The following POLR3D variants were observed in gnomAD, a reference collection of about 807,000 sequenced individuals.
The protein encoded by POLR3D is DNA-directed RNA polymerase III subunit RPC4.
In POLR3D, 42 loss-of-function variants were observed where a neutral mutation model predicts 44.5. That is an observed-to-expected ratio of 0.94 (90% confidence interval 0.74 to 1.22). The LOEUF is 1.22. Among genes scored for constraint, POLR3D ranks in the 50% most tolerant of loss-of-function variants. The probability of loss-of-function intolerance (pLI) is 0.00; values close to 1 mark genes in which losing one functional copy is unlikely to be tolerated. For synonymous variants in POLR3D, 217 were observed against 198.1 expected (o/e 1.10, Z -0.80); for missense variants, 507 against 505.2 (o/e 1.00, Z -0.03).
chr8:22,248,483 C>G lies in POLR3D; in HGVS notation c.489C>G (p.Phe163Leu). Residue 163 changes from phenylalanine to leucine, a missense_variant and splice_region_variant, in exon 6 of 9, where the codon TTC becomes TTG. Physicochemically the swap from Phe to Leu is conservative, Grantham distance 22 (BLOSUM62 0). Transcript: ENST00000306433. ...QILRMLEKDDFLDDPGLRNDT... is the reference protein window; with the variant it reads ...QILRMLEKDDLLDDPGLRNDT... ...ATGACCCAGACTCTCTTTGGCAGTT[C>G]CTCGATGACCCCGGCCTGAGGAACG... The G allele has an allele frequency of 6.2e-7, 1 of 1,613,678 alleles. No individual in the cohort carries two copies. The highest frequency in any genetic ancestry group is 1.3e-5 in the African/African-American group (1 of 75,008).
intron 2 of POLR3D, among the ~76,000 whole-genome samples, chr8:22,245,980 G>A (rs1184471181): frequency 6.6e-6 from 1 of 152,214 alleles, no homozygotes; most frequent in Non-Finnish European, 1.5e-5. Context: ...ATCTCTGTGT[G>A]CAAACTTTTT....
rs1185571801 is a variant in POLR3D, at chr8:22,252,990, G to A, written c.*2472G>A. On this transcript the variant is annotated 3_prime_UTR_variant, in exon 9 of 9. Coordinates refer to ENST00000306433, the MANE Select transcript of POLR3D (RefSeq NM_001722.3). Reference sequence around the variant, plus strand: ...AATAGGGTTGCTTTTAAATTAGAGTGAACATGAGGCATTTATTCGGTGCCA... The same window carrying A: ...AATAGGGTTGCTTTTAAATTAGAGTAAACATGAGGCATTTATTCGGTGCCA... 8.5e-5 allele frequency: 13 copies of A among 152,150 alleles called. No homozygotes were observed. The highest frequency in any genetic ancestry group is 8.5e-4 in the Admixed American group (13 of 15,278). 9.4% of individuals were successfully genotyped at this position (152,150 alleles called of 1,614,324 possible).
rs1306531080 is a variant in POLR3D at position 22,251,047 on chromosome 8, A to C, written c.*529A>C. 1 of 158,004 alleles carries C rather than the reference A, an allele frequency of 6.3e-6. No homozygotes were observed. The highest frequency in any genetic ancestry group is 6.1e-5 in the Admixed American group (1 of 16,314). 9.8% of individuals were successfully genotyped at this position (158,004 alleles called of 1,614,324 possible). On this transcript the variant is annotated 3_prime_UTR_variant, in exon 9 of 9. Transcript: ENST00000306433. ...CTGAGCCTCCTATACCTCATCCGAC[A>C]CAAATGGGGATGATACCTACCTCCA... is the stretch of plus-strand genomic sequence containing the variant.
chr8:22,245,375 A>AG (rs1328089475), intron 1 of POLR3D, 70 bp from the exon 2 acceptor site: 2 of 1,192,920 alleles, frequency 1.7e-6, no homozygotes, highest in African/African-American at 1.6e-5. Flanking sequence ...CCGGAAAGCA[A>AG]GGGGGTGGGG....
At chr8:22,245,375 A>AGG in intron 1 of POLR3D, 70 bp from the exon 2 acceptor site, 1 of 1,193,036 alleles carries the variant, frequency 8.4e-7, no homozygotes, top group Non-Finnish European at 1.1e-6. Flanking sequence ...CCGGAAAGCA[A>AGG]GGGGGTGGGG....
chr8:22,254,053 T>C lies in POLR3D; in HGVS notation c.*3535T>C, dbSNP rs1424117484. The C allele has an allele frequency of 6.6e-6, 1 of 152,234 alleles. No homozygotes were observed. The highest frequency in any genetic ancestry group is 1.5e-5 in the Non-Finnish European group (1 of 68,056). The allele number at this position is 152,234 out of a possible 1,614,324, so 9.4% of individuals were successfully genotyped here. A position where few individuals can be genotyped will look rare whatever the true frequency, so the allele number is the denominator to read the frequency against. ...TACCTATCACCCAAATAGTGAACAT[T>C]GTACTCAGGTAGCATTTCAACCCTT... On this transcript the variant is annotated 3_prime_UTR_variant, in exon 9 of 9. Coordinates refer to ENST00000306433, the MANE Select transcript of POLR3D (RefSeq NM_001722.3).
intron 5 of POLR3D, 65 bp from the exon 6 acceptor site, chr8:22,248,416 C>A: frequency 6.3e-7 from 1 of 1,586,126 alleles, no homozygotes; most frequent in Non-Finnish European, 8.6e-7. Context: ...TAGAAAGGGA[C>A]TAAAGCAGAC....
At chr8:22,246,454 T>C (rs1830044380) in intron 2 of POLR3D, among the ~76,000 whole-genome samples, 1 of 147,728 alleles carries the variant, frequency 6.8e-6, no homozygotes, top group Admixed American at 6.8e-5. Flanking sequence ...TTTGGTTTTT[T>C]GTTTTGTTTT....
chr8:22,246,371 C>T lies in POLR3D; in HGVS notation c.165+757C>T, dbSNP rs1381577934. ...TTGAACCCCTGACCTCGTGATCCGC[C>T]CGCCTGCCTCGACCTCCCAAGGTGC... On this transcript the variant is annotated intron_variant, in intron 2 of 8. Coordinates refer to ENST00000306433, the MANE Select transcript of POLR3D (RefSeq NM_001722.3). 2.0e-5 allele frequency among the ~76,000 whole-genome samples: 3 copies of T among 152,178 alleles called. No individual in the cohort carries two copies. In the East Asian group the frequency reaches 5.8e-4, roughly 29 times the overall value.
In POLR3D at chr8:22,247,139, A is replaced by G. The variant is rs996178885; in HGVS notation, c.166-82A>G. 4 of 1,030,636 alleles carry G rather than the reference A, an allele frequency of 3.9e-6. No individual in the cohort carries two copies. The Admixed American group carries it at 7.4e-5, about 19-fold the overall frequency. 63.8% of individuals were successfully genotyped at this position (1,030,636 alleles called of 1,614,324 possible). A position where few individuals can be genotyped will look rare whatever the true frequency, so the allele number is the denominator to read the frequency against. On this transcript the variant is annotated intron_variant, in intron 2 of 8. Coordinates refer to ENST00000306433, the MANE Select transcript of POLR3D (RefSeq NM_001722.3). Reference sequence around the variant, plus strand: ...CCGTGGTGGCCTTGGTCTGTAGAAGATGCCCTTTGGGAATTTTTATTTTCC... The same window carrying G: ...CCGTGGTGGCCTTGGTCTGTAGAAGGTGCCCTTTGGGAATTTTTATTTTCC...
Position 22,245,481 on chromosome 8 carries a change from G to C in POLR3D, c.32G>C (p.Ser11Thr). Residue 11 changes from serine to threonine, a missense_variant, in exon 2 of 9, where the codon AGC becomes ACC. By Grantham distance (58) the Ser-to-Thr change is moderately conservative. Coordinates refer to ENST00000306433, the MANE Select transcript of POLR3D (RefSeq NM_001722.3). ...GAAGGAAACGCCGCCGGCGAGCCCA[G>C]CACGCCGGGAGGGCCCCGACCTCTC... The part of the protein sequence containing the change: MSEGNAAGEP[S>T]TPGGPRPLLT... 7.6e-7 allele frequency: 1 copy of C among 1,308,404 alleles called. No homozygotes were observed. The highest frequency in any genetic ancestry group is 9.8e-7 in the Non-Finnish European group (1 of 1,020,812). 81.0% of individuals were successfully genotyped at this position (1,308,404 alleles called of 1,614,324 possible). A position where few individuals can be genotyped will look rare whatever the true frequency, so the allele number is the denominator to read the frequency against.
At chr8:22,249,784 T>C (rs1282312730) in intron 7 of POLR3D, among the ~76,000 whole-genome samples, 2 of 152,190 alleles carry the variant, frequency 1.3e-5, no homozygotes, top group African/African-American at 4.8e-5. Context: ...ATCATGCCAC[T>C]ATACCCCAAC....
rs1586510329 is a variant in POLR3D at position 22,252,566 on chromosome 8, G to T, written c.*2048G>T. ...ATCAAAGTCCTCACAACCTGTCTCA[G>T]ATCCCTGATGCACAAATTAGGTCTT... is the stretch of plus-strand genomic sequence containing the variant. On this transcript the variant is annotated 3_prime_UTR_variant, in exon 9 of 9. Coordinates refer to ENST00000306433, the MANE Select transcript of POLR3D (RefSeq NM_001722.3). 6.6e-6 allele frequency: 1 copy of T among 152,180 alleles called. No individual in the cohort carries two copies. Among genetic ancestry groups the T allele is most frequent in the African/African-American group, 2.4e-5 (1 of 41,442 alleles). 9.4% of individuals were successfully genotyped at this position (152,180 alleles called of 1,614,324 possible). A position where few individuals can be genotyped will look rare whatever the true frequency, so the allele number is the denominator to read the frequency against.
chr8:22,246,381 C>T (rs1453603957), intron 2 of POLR3D, among the ~76,000 whole-genome samples: 3 of 151,920 alleles, frequency 2.0e-5, no homozygotes, highest in South Asian at 2.1e-4. Flanking sequence ...CCGCCTGCCT[C>T]GACCTCCCAA....
intron 2 of POLR3D, among the ~76,000 whole-genome samples, chr8:22,246,238 C>T (rs1830040631): frequency 6.6e-6 from 1 of 152,002 alleles, no homozygotes. Context: ...AGCGATTCTC[C>T]TGCCTCATCC....
At position 22,247,399 on chromosome 8, in the gene POLR3D, C is replaced by T. The variant is rs983970750; in HGVS notation, c.209+135C>T. The stretch of plus-strand genomic sequence containing the variant: ...AGTTCTTTTCACTAGTGATTTTCAA[C>T]CCTGGCTCCTAGGTGATTCTGCAAG... On this transcript the variant is annotated intron_variant, in intron 3 of 8. Transcript: ENST00000306433. The T allele has an allele frequency of 7.6e-5, 48 of 634,492 alleles. No homozygotes were observed. The African/African-American group carries it at 8.2e-4, about 11-fold the overall frequency. The allele number at this position is 634,492 out of a possible 1,614,324, so 39.3% of individuals were successfully genotyped here.
In POLR3D at chr8:22,248,200, T is replaced by C. The variant is rs1830062576; in HGVS notation, c.408T>C (p.His136=). The change falls in exon 5 of 9, where the codon CAT becomes CAC. Residue 136 remains histidine (H), a synonymous_variant. Coordinates refer to ENST00000306433, the MANE Select transcript of POLR3D (RefSeq NM_001722.3). ...ATGTGTCAGACATGGGACCTTCTCA[T>C]ATCATCAACATCAAAAAAGAGAAGA... is the stretch of plus-strand genomic sequence containing the variant. ...TVDVSDMGPS[H]IINIKKEKRE... 1 of 1,614,176 alleles carries C rather than the reference T, an allele frequency of 6.2e-7. No individual in the cohort carries two copies. The highest frequency in any genetic ancestry group is 2.2e-5 in the East Asian group (1 of 44,888).
At chr8:22,249,691 G>A (rs993651519) in intron 7 of POLR3D, among the ~76,000 whole-genome samples, 9 of 152,080 alleles carry the variant, frequency 5.9e-5, no homozygotes, top group African/African-American at 1.7e-4. Context: ...GCATGGTGGC[G>A]TGTGCCTGTA....
chr8:22,248,604 G>C lies in POLR3D; in HGVS notation c.610G>C (p.Gly204Arg). ...DEPDVKPWLA[G>R]PKEEDMEVDI... ...ACCAGATGTTAAACCTTGGCTGGCT[G>C]GCCCCAAGGAAGAGGACATGGAGGT... Residue 204 changes from glycine (G) to arginine (R), a missense_variant, in exon 6 of 9, where the codon GGC becomes CGC. By Grantham distance (125) the Gly-to-Arg change is moderately radical. Coordinates refer to ENST00000306433, the MANE Select transcript of POLR3D (RefSeq NM_001722.3). 6.2e-7 allele frequency: 1 copy of C among 1,614,070 alleles called. No individual in the cohort carries two copies. The highest frequency in any genetic ancestry group is 8.5e-7 in the Non-Finnish European group (1 of 1,180,000).
Sources: gnomAD v4.1 joint callset for allele counts (sites outside exome capture counted in the v4.1 genomes callset) on GRCh38, gnomAD v4.1.1 for gene constraint, MANE v1.5 for transcripts, NCBI Gene and HGNC (gene_info 2026-07-23, HGNC 2026-07-21) for gene names.